Variants in NOS1AP observed in about 807,000 individuals in gnomAD.
NOS1AP encodes the protein carboxyl-terminal PDZ ligand of neuronal nitric oxide synthase protein.
A neutral mutation model predicts 56.2 loss-of-function variants in NOS1AP; 21 were observed. The observed-to-expected ratio is 0.37, with a 90% CI of 0.26 to 0.54. The LOEUF is 0.54. Among genes scored for constraint, NOS1AP ranks in the 20% least tolerant of loss-of-function variants. The probability of loss-of-function intolerance (pLI) is 0.84; values close to 1 mark genes in which losing one functional copy is unlikely to be tolerated. For missense variants in NOS1AP, 522 were observed against 657.8 expected (o/e 0.79, Z 2.26); for synonymous variants, 270 against 274.6 (o/e 0.98, Z 0.17).
chr1:162,176,178 A>C (rs561015637), intron 2 of NOS1AP, among the ~76,000 whole-genome samples: 13 of 152,246 alleles, frequency 8.5e-5, no homozygotes, highest in African/African-American at 3.1e-4. Flanking sequence ...ATTTTTTTTA[A>C]AAAATTTGCA....
Position 162,070,219 on chromosome 1 carries a change from C to T in NOS1AP, c.42C>T (p.His14=), listed in dbSNP as rs201223090. 4 of 1,614,018 alleles carry T rather than the reference C, an allele frequency of 2.5e-6. No homozygotes were observed. The highest frequency in any genetic ancestry group is 2.2e-5 in the East Asian group (1 of 44,876). Residue 14 remains histidine (H), a synonymous_variant, in exon 1 of 10, where the codon CAC becomes CAT. Coordinates refer to ENST00000361897, the MANE Select transcript of NOS1AP (RefSeq NM_014697.3). ...AGTACAACCTTGTGGACGATGGGCA[C>T]GACCTGCGGATCCCCTTGCACAACG... ...KTKYNLVDDG[H]DLRIPLHNED... is the part of the protein sequence containing the mutation.
At chr1:162,300,731 G>A in intron 4 of NOS1AP, 25 bp downstream of exon 4, 1 of 1,608,484 alleles carries the variant, frequency 6.2e-7, no homozygotes, top group Non-Finnish European at 8.5e-7. Context: ...CAGCACCCAA[G>A]ATATCACTGA....
At chr1:162,071,606 C>G (rs1691660921) in intron 1 of NOS1AP, among the ~76,000 whole-genome samples, 1 of 152,196 alleles carries the variant, frequency 6.6e-6, no homozygotes, top group Non-Finnish European at 1.5e-5. Context: ...GAATGCAGAG[C>G]TGAATTACTG....
intron 4 of NOS1AP, among the ~76,000 whole-genome samples, chr1:162,331,190 A>G (rs1200539273): frequency 6.6e-6 from 1 of 152,134 alleles, no homozygotes; most frequent in African/African-American, 2.4e-5. Context: ...GGGGACTGGA[A>G]ACCACACTAA....
At chr1:162,185,393 G>T (rs1206029995) in intron 2 of NOS1AP, among the ~76,000 whole-genome samples, 5 of 152,222 alleles carry the variant, frequency 3.3e-5, no homozygotes, top group African/African-American at 1.2e-4. Flanking sequence ...TCATTCTGTG[G>T]TAACATAATT....
At chr1:162,079,149 C>A (rs1255288026) in intron 1 of NOS1AP, among the ~76,000 whole-genome samples, 2 of 152,080 alleles carry the variant, frequency 1.3e-5, no homozygotes, top group Non-Finnish European at 1.5e-5. Context: ...GCTTGAGGGA[C>A]CCCCCAGCAT....
rs539599271 is a variant in NOS1AP at position 162,118,008 on chromosome 1, G to A, written c.106-36397G>A. The stretch of plus-strand genomic sequence containing the variant: ...TTATCATATCTTCTAGGCACCAGGC[G>A]TATCTCATTGTTCTCCTTCACAACG... On this transcript the variant is annotated intron_variant, in intron 1 of 9. Coordinates refer to ENST00000361897, the MANE Select transcript of NOS1AP (RefSeq NM_014697.3). 1.6e-3 allele frequency among the ~76,000 whole-genome samples: 237 copies of A among 152,270 alleles called. 1 individual carries two copies. The highest frequency in any genetic ancestry group is 2.6e-3 in the Non-Finnish European group (177 of 68,020).
intron 4 of NOS1AP, among the ~76,000 whole-genome samples, chr1:162,302,150 T>C (rs547866862): frequency 1.3e-5 from 2 of 152,320 alleles, no homozygotes; most frequent in African/African-American, 4.8e-5. Context: ...TGTTATAGTG[T>C]TTCTGTTACT....
intron 3 of NOS1AP, among the ~76,000 whole-genome samples, chr1:162,288,158 A>T (rs1655151600): frequency 6.6e-6 from 1 of 152,084 alleles, no homozygotes. Flanking sequence ...GGATGGGAGG[A>T]TGTGTGTTTT....
chr1:162,309,134 CTATT>C (rs1205451327), intron 4 of NOS1AP, among the ~76,000 whole-genome samples: 1 of 152,162 alleles, frequency 6.6e-6, no homozygotes, highest in East Asian at 1.9e-4. Flanking sequence ...TTTTATAGAG[CTATT>C]CTGTGATATT....
intron 1 of NOS1AP, among the ~76,000 whole-genome samples, chr1:162,131,106 G>C (rs1360007565): frequency 6.6e-6 from 1 of 152,098 alleles, no homozygotes; most frequent in Non-Finnish European, 1.5e-5. Context: ...ATAGTGAAAA[G>C]CATGACCCTT....
intron 5 of NOS1AP, among the ~76,000 whole-genome samples, chr1:162,336,626 T>C (rs1490122223): frequency 6.6e-6 from 1 of 152,208 alleles, no homozygotes; most frequent in Admixed American, 6.5e-5. Context: ...AAATCACCCT[T>C]GGTCACACAG....
chr1:162,170,152 C>G (rs1446473997), intron 2 of NOS1AP, among the ~76,000 whole-genome samples: 1 of 152,180 alleles, frequency 6.6e-6, no homozygotes, highest in African/African-American at 2.4e-5. Flanking sequence ...GAGTCACTAC[C>G]TGAGAGCAGT....
intron 1 of NOS1AP, among the ~76,000 whole-genome samples, chr1:162,079,642 G>T (rs952359264): frequency 2.6e-5 from 4 of 152,188 alleles, no homozygotes; most frequent in Admixed American, 6.5e-5. Flanking sequence ...TGGGAGGATT[G>T]AATCAGTAGT....
At chr1:162,288,613 G>GA (rs1440633423) in intron 3 of NOS1AP, among the ~76,000 whole-genome samples, 1 of 152,170 alleles carries the variant, frequency 6.6e-6, no homozygotes, top group African/African-American at 2.4e-5. Flanking sequence ...ACTACTTCCT[G>GA]AGGCAGCCCC....
chr1:162,089,462 A>G (rs182890211), intron 1 of NOS1AP, among the ~76,000 whole-genome samples: 5 of 152,196 alleles, frequency 3.3e-5, no homozygotes, highest in Middle Eastern at 3.2e-3. Context: ...ATCCTTCACC[A>G]TCTTTTAAAA....
intron 2 of NOS1AP, among the ~76,000 whole-genome samples, chr1:162,279,476 T>G (rs1244444298): frequency 6.6e-6 from 1 of 152,156 alleles, no homozygotes; most frequent in East Asian, 1.9e-4. Flanking sequence ...CATCTGTGTG[T>G]GCATGAACCG....
At chr1:162,200,282 C>A (rs960631040) in intron 2 of NOS1AP, among the ~76,000 whole-genome samples, 12 of 152,186 alleles carry the variant, frequency 7.9e-5, no homozygotes, top group Admixed American at 6.5e-5. Context: ...TTCTATGATT[C>A]ATCCCATCAG....
intron 2 of NOS1AP, among the ~76,000 whole-genome samples, chr1:162,278,321 G>A (rs1279749527): frequency 6.6e-6 from 1 of 152,220 alleles, no homozygotes; most frequent in African/African-American, 2.4e-5. Context: ...ATACCCTTCT[G>A]TAGGGTAGGT....
Sources: allele counts gnomAD v4.1 joint callset (sites outside exome capture counted in the v4.1 genomes callset), GRCh38; gene constraint gnomAD v4.1.1; transcripts MANE v1.5; gene names NCBI Gene and HGNC (gene_info 2026-07-23, HGNC 2026-07-21).